Variants in CSGALNACT1 observed in about 807,000 individuals in gnomAD.
CSGALNACT1 encodes the protein beta4GalNAcT-1.
CSGALNACT1 carries 52 observed loss-of-function variants against 51.0 expected under a neutral mutation model. The observed-to-expected ratio is 1.02, with a 90% CI of 0.82 to 1.29. The LOEUF (loss-of-function observed/expected upper bound fraction) is 1.29. Among genes scored for constraint, CSGALNACT1 ranks in the 50% most tolerant of loss-of-function variants. The pLI is 0.00. For synonymous variants in CSGALNACT1, 341 were observed against 254.4 expected (o/e 1.34, Z -3.24); for missense variants, 935 against 679.2 (o/e 1.38, Z -4.19).
At chr8:19,690,631 T>C (rs1185261841) in intron 1 of CSGALNACT1, among the ~76,000 whole-genome samples, 2 of 152,224 alleles carry the variant, frequency 1.3e-5, no homozygotes, top group Non-Finnish European at 2.9e-5. Flanking sequence ...TTGATCATAA[T>C]AGAGCTGTTT....
chr8:19,707,002 C>T (rs920154904), intron 1 of CSGALNACT1, among the ~76,000 whole-genome samples: 2 of 151,928 alleles, frequency 1.3e-5, no homozygotes, highest in African/African-American at 4.8e-5. Flanking sequence ...AAGCTGGTAA[C>T]ACTAAGGATA....
chr8:19,461,637 GCGGC>G (rs1379042745), intron 4 of CSGALNACT1, among the ~76,000 whole-genome samples: 1 of 141,860 alleles, frequency 7.0e-6, no homozygotes, highest in African/African-American at 2.7e-5. Flanking sequence ...TATCCGCACA[GCGGC>G]CACATTCACC....
intron 3 of CSGALNACT1, among the ~76,000 whole-genome samples, chr8:19,548,195 A>G (rs527277852): frequency 1.3e-5 from 2 of 152,318 alleles, no homozygotes; most frequent in African/African-American, 2.4e-5. Context: ...TCCAACTGGA[A>G]TTTTCCTCAA....
intron 1 of CSGALNACT1, among the ~76,000 whole-genome samples, chr8:19,624,147 A>G (rs1401860025): frequency 1.3e-5 from 2 of 152,178 alleles, no homozygotes; most frequent in Non-Finnish European, 2.9e-5. Flanking sequence ...TATTTGGACC[A>G]CCTCTTCAAC....
At chr8:19,583,037 A>G (rs2045914555) in intron 3 of CSGALNACT1, among the ~76,000 whole-genome samples, 1 of 152,144 alleles carries the variant, frequency 6.6e-6, no homozygotes, top group Non-Finnish European at 1.5e-5. Flanking sequence ...ACATATATAC[A>G]CTGGAGAAAA....
intron 4 of CSGALNACT1, among the ~76,000 whole-genome samples, chr8:19,469,535 G>T (rs1401484135): frequency 6.6e-6 from 1 of 152,154 alleles, no homozygotes; most frequent in Non-Finnish European, 1.5e-5. Context: ...GGATGAAGGG[G>T]CAGCAGTGAG....
At chr8:19,411,414 G>A (rs1002548726) in intron 8 of CSGALNACT1, among the ~76,000 whole-genome samples, 2 of 152,184 alleles carry the variant, frequency 1.3e-5, no homozygotes, top group African/African-American at 2.4e-5. Context: ...ACATTGTCCA[G>A]CACACAGCAG....
chr8:19,654,529 G>T (rs545733707), intron 1 of CSGALNACT1, among the ~76,000 whole-genome samples: 1 of 152,086 alleles, frequency 6.6e-6, no homozygotes, highest in African/African-American at 2.4e-5. Context: ...GATGTTGTAG[G>T]GTGTTTAAAT....
chr8:19,662,989 G>T (rs1226894192), intron 1 of CSGALNACT1, among the ~76,000 whole-genome samples: 2 of 152,302 alleles, frequency 1.3e-5, no homozygotes, highest in Admixed American at 6.5e-5. Context: ...CAAGGAAAAG[G>T]AAAGGGGGAA....
chr8:19,567,689 T>A (rs897397570), intron 3 of CSGALNACT1, among the ~76,000 whole-genome samples: 5 of 152,182 alleles, frequency 3.3e-5, no homozygotes, highest in African/African-American at 1.2e-4. Context: ...AAAATTAGAA[T>A]GTCATTATTT....
At chr8:19,688,617 C>G (rs1287214172) in intron 1 of CSGALNACT1, 5 of 152,292 alleles carry the variant, frequency 3.3e-5, no homozygotes, top group African/African-American at 9.6e-5. Flanking sequence ...CTTCCCTTCA[C>G]CCTATTCTCT....
chr8:19,734,978 A>C (rs544364932), intron 1 of CSGALNACT1, among the ~76,000 whole-genome samples: 57 of 152,204 alleles, frequency 3.7e-4, no homozygotes, highest in African/African-American at 1.4e-3. Flanking sequence ...GATAAGAAAG[A>C]TCAGGTTTGA....
At chr8:19,638,388 C>G (rs1016312147) in intron 1 of CSGALNACT1, among the ~76,000 whole-genome samples, 1 of 152,176 alleles carries the variant, frequency 6.6e-6, no homozygotes, top group Non-Finnish European at 1.5e-5. Context: ...TCGGTGCCCA[C>G]TTGTCTTTGG....
At chr8:19,629,105 G>A (rs576070824) in intron 1 of CSGALNACT1, among the ~76,000 whole-genome samples, 2 of 152,218 alleles carry the variant, frequency 1.3e-5, no homozygotes, top group South Asian at 4.2e-4. Context: ...CAATCTACGG[G>A]AAATCAAGAG....
intron 3 of CSGALNACT1, among the ~76,000 whole-genome samples, chr8:19,544,902 T>C (rs2086108632): frequency 6.6e-6 from 1 of 152,126 alleles, no homozygotes; most frequent in South Asian, 2.1e-4. Flanking sequence ...GGCTATCGTT[T>C]ACACACAGGA....
exon 2 of CSGALNACT1, chr8:19,601,784 A>T (rs1359177237): frequency 8.8e-6 from 4 of 453,494 alleles, no homozygotes; most frequent in African/African-American, 8.0e-5. Context: ...GGGGTTCAAG[A>T]AGGGAAGGTT....
At chr8:19,531,226 A>T (rs1161016196) in intron 3 of CSGALNACT1, among the ~76,000 whole-genome samples, 1 of 152,222 alleles carries the variant, frequency 6.6e-6, no homozygotes, top group East Asian at 1.9e-4. Context: ...TTAGAGTTGG[A>T]AACATTGAAA....
At chr8:19,531,676 T>G (rs576540493) in intron 3 of CSGALNACT1, 1 of 152,340 alleles carries the variant, frequency 6.6e-6, no homozygotes, top group Middle Eastern at 3.4e-3. Context: ...CTTCAGAGTA[T>G]AGCCAAGGTG....
At chr8:19,497,271 C>G (rs78864597) in intron 4 of CSGALNACT1, among the ~76,000 whole-genome samples, 2,495 of 152,222 alleles carry the variant, frequency 0.016, 69 homozygotes, top group African/African-American at 0.056. Context: ...GAGAGAAGTA[C>G]AGAGACCTTC....
Sources: allele counts gnomAD v4.1 joint callset (sites outside exome capture counted in the v4.1 genomes callset), GRCh38; gene constraint gnomAD v4.1.1; transcripts MANE v1.5; gene names NCBI Gene and HGNC (gene_info 2026-07-23, HGNC 2026-07-21).